Variants in CNTN5 observed in about 807,000 individuals in gnomAD.
The protein encoded by CNTN5 is contactin 5.
CNTN5 carries 77 observed loss-of-function variants against 129.1 expected under a neutral mutation model. The ratio of observed to expected loss-of-function variants is 0.60; its 90% CI spans 0.50 to 0.72. CNTN5 has a LOEUF of 0.72. CNTN5 is among the 30% of genes least tolerant of loss of function. The pLI, the probability that CNTN5 is intolerant of heterozygous loss-of-function variation, is 0.00. For missense variants in CNTN5, 1,478 were observed against 1,328.8 expected (o/e 1.11, Z -1.75); for synonymous variants, 509 against 465.6 (o/e 1.09, Z -1.20).
intron 2 of CNTN5, among the ~76,000 whole-genome samples, chr11:99,503,874 C>G (rs1451766549): frequency 6.6e-6 from 1 of 151,972 alleles, no homozygotes; most frequent in Non-Finnish European, 1.5e-5. Flanking sequence ...AATAATTATT[C>G]AATAAATATG....
At chr11:99,922,428 C>G (rs189908474) in intron 7 of CNTN5, among the ~76,000 whole-genome samples, 99 of 152,284 alleles carry the variant, frequency 6.5e-4, no homozygotes, top group Admixed American at 1.6e-3. Context: ...AGTTTCTGAT[C>G]TGACATTTAT....
intron 2 of CNTN5, among the ~76,000 whole-genome samples, chr11:99,479,435 G>A (rs1945505026): frequency 6.6e-6 from 1 of 151,738 alleles, no homozygotes. Context: ...TGTCATTCTA[G>A]GTAATATAGA....
chr11:99,448,468 G>A (rs1430714299), intron 2 of CNTN5, among the ~76,000 whole-genome samples: 2 of 151,958 alleles, frequency 1.3e-5, no homozygotes, highest in African/African-American at 4.8e-5. Context: ...AAAATAAATA[G>A]AAACCAAGAA....
chr11:99,865,949 CTGT>C lies in CNTN5; in HGVS notation c.577+20692_577+20694del, dbSNP rs371548361. Reference sequence around the variant, plus strand: ...ACACCATACCATAGTAGAACTATTACTGTTGTTATTTATATTTTTTAAAAAATT... The same window carrying C: ...ACACCATACCATAGTAGAACTATTACTGTTATTTATATTTTTTAAAAAATT... On this transcript the variant is annotated intron_variant, in intron 6 of 24. Transcript: ENST00000524871. Among the ~76,000 whole-genome samples the C allele has an allele frequency of 2.0e-4, 31 of 152,154 alleles. No homozygotes were observed. The East Asian group carries it at 5.4e-3, about 27-fold the overall frequency.
chr11:99,147,251 A>G (rs896652434), intron 1 of CNTN5, among the ~76,000 whole-genome samples: 6 of 152,284 alleles, frequency 3.9e-5, no homozygotes, highest in African/African-American at 1.4e-4. Context: ...TTAAGGTGAC[A>G]TATAATTAGT....
intron 9 of CNTN5, among the ~76,000 whole-genome samples, chr11:100,025,696 C>A (rs1941384140): frequency 6.6e-6 from 1 of 152,196 alleles, no homozygotes; most frequent in African/African-American, 2.4e-5. Flanking sequence ...GATACAGAGT[C>A]AAAGGAGATC....
intron 1 of CNTN5, among the ~76,000 whole-genome samples, chr11:99,306,902 C>A (rs1012562227): frequency 6.6e-6 from 1 of 151,996 alleles, no homozygotes; most frequent in Admixed American, 6.6e-5. Flanking sequence ...AAGTCATAAA[C>A]TCTCTTTTCT....
At chr11:99,303,193 A>C (rs189055445) in intron 1 of CNTN5, among the ~76,000 whole-genome samples, 1 of 151,998 alleles carries the variant, frequency 6.6e-6, no homozygotes, top group East Asian at 1.9e-4. Flanking sequence ...ATATGCATTA[A>C]GATGCTTATC....
chr11:99,285,115 AC>A (rs1863875609), intron 1 of CNTN5, among the ~76,000 whole-genome samples: 1 of 151,968 alleles, frequency 6.6e-6, no homozygotes, highest in East Asian at 1.9e-4. Flanking sequence ...TTCCCCTGTC[AC>A]CCCTAGCCTT....
chr11:99,399,157 T>A (rs7940444), intron 2 of CNTN5, among the ~76,000 whole-genome samples: 149,720 of 150,596 alleles, frequency 0.99, 74,427 homozygotes, highest in Middle Eastern at 1. Context: ...ATTTGTGGAA[T>A]AAAAAAAACT....
At chr11:99,947,040 T>TCA (rs1240299669) in intron 7 of CNTN5, among the ~76,000 whole-genome samples, 5 of 151,590 alleles carry the variant, frequency 3.3e-5, no homozygotes, top group Non-Finnish European at 5.9e-5. Context: ...ATGTTTTACA[T>TCA]TATAAATGTG....
chr11:99,961,658 C>G (rs909615187), intron 8 of CNTN5, among the ~76,000 whole-genome samples: 2 of 152,192 alleles, frequency 1.3e-5, no homozygotes, highest in Admixed American at 6.6e-5. Context: ...TGTTGAACAC[C>G]TTTTCCTTCT....
intron 21 of CNTN5, among the ~76,000 whole-genome samples, chr11:100,335,557 C>G (rs999015984): frequency 2.6e-5 from 4 of 152,098 alleles, no homozygotes; most frequent in Admixed American, 2.0e-4. Flanking sequence ...CACTTGAGGT[C>G]AGGAGTTTAA....
chr11:100,109,336 G>A (rs542647298), intron 13 of CNTN5, among the ~76,000 whole-genome samples: 3 of 152,264 alleles, frequency 2.0e-5, no homozygotes, highest in South Asian at 2.1e-4. Flanking sequence ...TGAGGCAGGC[G>A]AATCGCTTGA....
intron 2 of CNTN5, among the ~76,000 whole-genome samples, chr11:99,330,939 C>T (rs1283919849): frequency 1.3e-5 from 2 of 152,002 alleles, no homozygotes; most frequent in African/African-American, 4.8e-5. Context: ...AACATACACA[C>T]ACACATGTGC....
chr11:99,287,579 G>T (rs1863991614), intron 1 of CNTN5, among the ~76,000 whole-genome samples: 1 of 151,960 alleles, frequency 6.6e-6, no homozygotes, highest in Non-Finnish European at 1.5e-5. Context: ...GATTATATGA[G>T]AATATAGAGG....
At chr11:99,203,520 T>C (rs1859321573) in intron 1 of CNTN5, among the ~76,000 whole-genome samples, 1 of 152,130 alleles carries the variant, frequency 6.6e-6, no homozygotes, top group Admixed American at 6.5e-5. Flanking sequence ...CCTTTGTATG[T>C]TTAAAGATCT....
chr11:99,458,292 T>A (rs904445101), intron 2 of CNTN5, among the ~76,000 whole-genome samples: 1 of 151,898 alleles, frequency 6.6e-6, no homozygotes, highest in Non-Finnish European at 1.5e-5. Context: ...TGTTTTAAAA[T>A]AGCAATGCCA....
chr11:99,670,909 T>C (rs1953007420), intron 3 of CNTN5, among the ~76,000 whole-genome samples: 1 of 152,186 alleles, frequency 6.6e-6, no homozygotes, highest in Non-Finnish European at 1.5e-5. Flanking sequence ...GTGGGTAGAA[T>C]CCTGCCTGGC....
Sources: gnomAD v4.1 joint callset for allele counts (sites outside exome capture counted in the v4.1 genomes callset) on GRCh38, gnomAD v4.1.1 for gene constraint, MANE v1.5 for transcripts, NCBI Gene and HGNC (gene_info 2026-07-23, HGNC 2026-07-21) for gene names.